The following PCDH15 variants were observed in gnomAD, a reference collection of about 807,000 sequenced individuals.
PCDH15 encodes the protein protocadherin-15.
Under a neutral mutation model 178.5 loss-of-function variants are expected in PCDH15, and 129 were observed. That is an observed-to-expected ratio of 0.72 (90% CI 0.63 to 0.84). The LOEUF is 0.84. Ranked by LOEUF, PCDH15 falls within the 40% of genes least tolerant of loss-of-function variation. The probability of loss-of-function intolerance (pLI) is 0.00; values close to 1 mark genes in which losing one functional copy is unlikely to be tolerated. For missense variants in PCDH15, 2,230 were observed against 2,099.9 expected, an observed-to-expected ratio of 1.06 and a Z score of -1.21; for synonymous variants, 800 against 732.0, an observed-to-expected ratio of 1.09 and a Z score of -1.50.
At position 55,585,803 on chromosome 10, in the gene PCDH15, G is replaced by C. The variant is rs1330766115; in HGVS notation, c.-156+41822C>G. Among the ~76,000 whole-genome samples the C allele has an allele frequency of 3.3e-5, 5 of 152,036 alleles. No homozygotes were observed. The East Asian group carries it at 5.8e-4, about 18-fold the overall frequency. On this transcript the variant is annotated intron_variant, in intron 2 of 5. Coordinates refer to the PCDH15 transcript ENST00000613346. ...TGTATATATATATGAGAGAGAGATA[G>C]ACTGTTCTGTTAATTTTAAATAGAA... is the stretch of plus-strand genomic sequence containing the variant.
chr10:54,667,406 C>T (rs983579284), intron 1 of PCDH15, among the ~76,000 whole-genome samples: 1 of 152,038 alleles, frequency 6.6e-6, no homozygotes, highest in Non-Finnish European at 1.5e-5. Context: ...GACTACAGGA[C>T]CAAGATGTTT....
chr10:55,341,430 T>C (rs1439768008), intron 2 of PCDH15, among the ~76,000 whole-genome samples: 2 of 152,078 alleles, frequency 1.3e-5, no homozygotes, highest in African/African-American at 4.8e-5. Context: ...AAGCTAATGA[T>C]AGTAATAAAA....
At chr10:55,158,978 C>T (rs551370143) in intron 2 of PCDH15, among the ~76,000 whole-genome samples, 3 of 151,890 alleles carry the variant, frequency 2.0e-5, no homozygotes, top group East Asian at 1.9e-4. Context: ...AAAATATCAC[C>T]TAATTTGGGC....
chr10:53,991,411 T>C (rs919508583), intron 21 of PCDH15, among the ~76,000 whole-genome samples: 1 of 151,894 alleles, frequency 6.6e-6, no homozygotes, highest in Non-Finnish European at 1.5e-5. Flanking sequence ...GGTGGGGACT[T>C]GGAGAACTTT....
chr10:55,339,094 A>G (rs1173299886), intron 2 of PCDH15, among the ~76,000 whole-genome samples: 2 of 152,154 alleles, frequency 1.3e-5, no homozygotes, highest in African/African-American at 4.8e-5. Context: ...ATGTGATCAT[A>G]GTTAACAAGA....
chr10:54,861,845 A>G (rs551219151), intron 3 of PCDH15, among the ~76,000 whole-genome samples: 1 of 152,340 alleles, frequency 6.6e-6, no homozygotes, highest in African/African-American at 2.4e-5. Flanking sequence ...CTTTAAAAAT[A>G]CATAAACAAA....
chr10:54,304,744 G>A (rs2060361508), intron 8 of PCDH15, among the ~76,000 whole-genome samples: 1 of 152,040 alleles, frequency 6.6e-6, no homozygotes, highest in African/African-American at 2.4e-5. Context: ...AGTAGAAACA[G>A]GGACAGGAGA....
chr10:55,397,970 G>A (rs1300748047), intron 2 of PCDH15, among the ~76,000 whole-genome samples: 1 of 152,074 alleles, frequency 6.6e-6, no homozygotes, highest in Non-Finnish European at 1.5e-5. Flanking sequence ...GTCTCCAAAG[G>A]ATTTATGGGA....
chr10:54,573,538 T>C (rs542724485), intron 2 of PCDH15, among the ~76,000 whole-genome samples: 2 of 152,310 alleles, frequency 1.3e-5, no homozygotes, highest in African/African-American at 2.4e-5. Flanking sequence ...TGAATTCAGA[T>C]TCTTTAGGCA....
In PCDH15 at chr10:54,821,396, A is replaced by AT. The variant is rs547052922; in HGVS notation, c.-29+76053dup. Among the ~76,000 whole-genome samples, 150 of 152,124 alleles carry AT rather than the reference A, an allele frequency of 9.9e-4. 1 individual carries two copies. The highest frequency in any genetic ancestry group is 1.9e-3 in the Non-Finnish European group (130 of 67,958). On this transcript the variant is annotated intron_variant, in intron 3 of 5. Transcript: ENST00000458638. ...TGTTGTAGGGGCTAACATTTACACAATTTTCTAACCCTTTTTAATAAAAAA... is the reference window on the plus strand; with the variant it reads ...TGTTGTAGGGGCTAACATTTACACAATTTTTCTAACCCTTTTTAATAAAAAA...
chr10:55,547,381 T>C (rs1156481233), intron 2 of PCDH15, among the ~76,000 whole-genome samples: 1 of 151,876 alleles, frequency 6.6e-6, no homozygotes, highest in Non-Finnish European at 1.5e-5. Flanking sequence ...GTAACTCAGG[T>C]GAAAGAGAGG....
chr10:54,771,339 A>G (rs948760089), intron 1 of PCDH15, among the ~76,000 whole-genome samples: 41 of 152,164 alleles, frequency 2.7e-4, no homozygotes, highest in African/African-American at 9.6e-4. Context: ...CATGTTGTCA[A>G]AGTGATCAAT....
At chr10:54,797,508 AC>A (rs1183008310) in intron 1 of PCDH15, among the ~76,000 whole-genome samples, 2 of 2,784 alleles carry the variant, frequency 7.2e-4, no homozygotes, top group Non-Finnish European at 1.1e-3. Context: ...TATTGTTGAA[AC>A]ACACACACAC....
chr10:53,808,423 C>G, intron 37 of PCDH15: 1 of 1,160,712 alleles, frequency 8.6e-7, no homozygotes, highest in South Asian at 3.1e-5. Context: ...AAAAATCCTA[C>G]CAGTAAATAT....
intron 17 of PCDH15, among the ~76,000 whole-genome samples, chr10:54,067,304 A>C (rs1001829526): frequency 5.9e-5 from 9 of 152,194 alleles, no homozygotes; most frequent in Admixed American, 5.2e-4. Flanking sequence ...AGTACATTAT[A>C]AAATAGCATG....
At chr10:55,360,293 G>A (rs925010766) in intron 2 of PCDH15, among the ~76,000 whole-genome samples, 3 of 151,906 alleles carry the variant, frequency 2.0e-5, no homozygotes, top group African/African-American at 4.8e-5. Context: ...TGAATTGTGT[G>A]TGTATATATG....
intron 2 of PCDH15, among the ~76,000 whole-genome samples, chr10:55,159,405 T>C (rs1246002608): frequency 7.5e-6 from 1 of 132,654 alleles, no homozygotes; most frequent in African/African-American, 2.7e-5. Flanking sequence ...ATACACATTA[T>C]ATATATTATA....
chr10:54,002,119 A>AGT (rs373745031), intron 20 of PCDH15, among the ~76,000 whole-genome samples: 25 of 150,532 alleles, frequency 1.7e-4, no homozygotes, highest in South Asian at 4.2e-4. Context: ...ATATGTATTC[A>AGT]GTGTGTGTGT....
chr10:54,968,130 G>A (rs1296806615), intron 2 of PCDH15, among the ~76,000 whole-genome samples: 2 of 152,132 alleles, frequency 1.3e-5, no homozygotes, highest in African/African-American at 4.8e-5. Context: ...GGAATGGAAA[G>A]CCTGGGCTTA....
Sources: gnomAD v4.1 joint callset for allele counts (sites outside exome capture counted in the v4.1 genomes callset) on GRCh38, gnomAD v4.1.1 for gene constraint, MANE v1.5 for transcripts, NCBI Gene and HGNC (gene_info 2026-07-23, HGNC 2026-07-21) for gene names.